NRG3: variants seen among roughly 807,000 people sequenced by gnomAD.
NRG3 encodes neuregulin 3.
NRG3 carries 31 observed loss-of-function variants against 66.9 expected under a neutral mutation model. The observed-to-expected ratio is 0.46, with a 90% confidence interval of 0.35 to 0.63. The LOEUF is 0.63. Ranked by LOEUF, NRG3 falls within the 20% of genes least tolerant of loss-of-function variation. The pLI, the probability that NRG3 is intolerant of heterozygous loss-of-function variation, is 0.00. For missense variants in NRG3, 910 were observed against 878.9 expected, an observed-to-expected ratio of 1.04 and a Z score of -0.45; for synonymous variants, 393 against 359.4, an observed-to-expected ratio of 1.09 and a Z score of -1.06.
intron 2 of NRG3, among the ~76,000 whole-genome samples, chr10:82,524,778 C>A (rs181524893): frequency 2.8e-3 from 427 of 151,646 alleles, no homozygotes; most frequent in Admixed American, 5.1e-3. Context: ...TTCCAGAGAT[C>A]TTCTCTGATC....
At chr10:82,812,455 T>C (rs2061529422) in intron 3 of NRG3, among the ~76,000 whole-genome samples, 1 of 152,208 alleles carries the variant, frequency 6.6e-6, no homozygotes, top group Admixed American at 6.5e-5. Context: ...CAAAATAAAA[T>C]GTTAAGCCTA....
chr10:82,389,236 C>T (rs1279835941), intron 2 of NRG3, among the ~76,000 whole-genome samples: 1 of 152,134 alleles, frequency 6.6e-6, no homozygotes, highest in East Asian at 1.9e-4. Context: ...ATTCAACTCG[C>T]AAATTTCTGC....
rs190277221 is a variant in NRG3, at chr10:82,921,099, C to A, written c.1055-30370C>A. On this transcript the variant is annotated intron_variant, in intron 4 of 8. Transcript: ENST00000372141. Reference sequence around the variant, plus strand: ...CATTACAATTGAGAAACCTGACAAGCACATGTCAAGTAAGGTGATCAAGGT... The same window carrying A: ...CATTACAATTGAGAAACCTGACAAGAACATGTCAAGTAAGGTGATCAAGGT... Among the ~76,000 whole-genome samples, 38 of 151,880 alleles carry A rather than the reference C, an allele frequency of 2.5e-4. No individual in the cohort carries two copies. The East Asian group carries it at 5.6e-3, about 22-fold the overall frequency.
chr10:82,234,629 T>C (rs1240494023), intron 1 of NRG3, among the ~76,000 whole-genome samples: 3 of 152,234 alleles, frequency 2.0e-5, no homozygotes, highest in Non-Finnish European at 4.4e-5. Context: ...CAATATTTTA[T>C]TCAAAATAGA....
At chr10:82,325,319 C>G (rs547961918) in intron 1 of NRG3, among the ~76,000 whole-genome samples, 1 of 151,906 alleles carries the variant, frequency 6.6e-6, no homozygotes, top group Non-Finnish European at 1.5e-5. Context: ...GTAGCTGAGA[C>G]TGCAGGCATG....
intron 1 of NRG3, among the ~76,000 whole-genome samples, chr10:82,199,560 C>T (rs1273070341): frequency 6.6e-6 from 1 of 152,134 alleles, no homozygotes; most frequent in Non-Finnish European, 1.5e-5. Context: ...CCCTTAAAGT[C>T]AATTTTCTTA....
chr10:82,679,344 A>G (rs1591139678), intron 2 of NRG3, among the ~76,000 whole-genome samples: 1 of 152,258 alleles, frequency 6.6e-6, no homozygotes, highest in South Asian at 2.1e-4. Context: ...TTTAAATTCC[A>G]TACAAAAAAC....
intron 7 of NRG3, 108 bp downstream of exon 7, chr10:82,974,023 C>T: frequency 7.8e-7 from 1 of 1,274,248 alleles, no homozygotes; most frequent in Non-Finnish European, 1.1e-6. Context: ...ACTGTTCTTG[C>T]TTCTCCTGTA....
chr10:82,844,693 T>C (rs1259332597), intron 3 of NRG3, among the ~76,000 whole-genome samples: 1 of 148,144 alleles, frequency 6.8e-6, no homozygotes, highest in Non-Finnish European at 1.5e-5. Flanking sequence ...TTTTTCCAAA[T>C]AAGAAGCTGT....
chr10:82,593,578 G>T (rs1387284087), intron 2 of NRG3, among the ~76,000 whole-genome samples: 2 of 151,336 alleles, frequency 1.3e-5, no homozygotes, highest in East Asian at 3.9e-4. Flanking sequence ...TTTCTGTTAA[G>T]ATGTTGAAAT....
chr10:82,202,849 CAT>C (rs1416742902), intron 1 of NRG3, among the ~76,000 whole-genome samples: 1 of 152,120 alleles, frequency 6.6e-6, no homozygotes, highest in African/African-American at 2.4e-5. Flanking sequence ...AGAAGAAAAA[CAT>C]GTGTCATAAA....
chr10:82,420,136 A>G (rs1479406091), intron 2 of NRG3, among the ~76,000 whole-genome samples: 2 of 152,144 alleles, frequency 1.3e-5, no homozygotes, highest in Non-Finnish European at 2.9e-5. Context: ...CAGTTGGCCT[A>G]TAGCTCAGTC....
intron 2 of NRG3, among the ~76,000 whole-genome samples, chr10:82,679,873 GA>G (rs2053987420): frequency 6.6e-6 from 1 of 151,732 alleles, no homozygotes; most frequent in South Asian, 2.1e-4. Flanking sequence ...AAAAAAAAAA[GA>G]AAAAAGTCTT....
intron 1 of NRG3, among the ~76,000 whole-genome samples, chr10:82,136,952 G>T (rs1000527011): frequency 2.0e-5 from 3 of 152,160 alleles, no homozygotes; most frequent in African/African-American, 7.2e-5. Context: ...GGTAACGTAG[G>T]CTTCAAGACT....
chr10:82,666,229 A>T (rs2133999746), intron 2 of NRG3, among the ~76,000 whole-genome samples: 1 of 152,012 alleles, frequency 6.6e-6, no homozygotes, highest in Admixed American at 6.6e-5. Flanking sequence ...TTCATAAATT[A>T]CTCTGTATTC....
Position 82,797,586 on chromosome 10 carries a change from T to C in NRG3, c.1027+58936T>C, listed in dbSNP as rs182166469. ...GCTTTCTTCTTTGTCATGTTCATTATATCAAATGTCCTTGTTTGCTCATGT... is the reference window on the plus strand; with the variant it reads ...GCTTTCTTCTTTGTCATGTTCATTACATCAAATGTCCTTGTTTGCTCATGT... On this transcript the variant is annotated intron_variant, in intron 3 of 8. Transcript: ENST00000372141. 1.8e-4 allele frequency among the ~76,000 whole-genome samples: 27 copies of C among 152,322 alleles called. No homozygotes were observed. The East Asian group carries it at 4.8e-3, about 27-fold the overall frequency.
chr10:81,925,044 C>T (rs565930328), intron 1 of NRG3, among the ~76,000 whole-genome samples: 42 of 152,322 alleles, frequency 2.8e-4, no homozygotes, highest in African/African-American at 8.9e-4. Flanking sequence ...TAGAGAAAGT[C>T]ATCATTTGAC....
chr10:82,043,905 A>G (rs537481201), intron 1 of NRG3, among the ~76,000 whole-genome samples: 98 of 152,184 alleles, frequency 6.4e-4, no homozygotes, highest in Middle Eastern at 3.4e-3. Context: ...CTAAATAAAT[A>G]CCAAAGCTCT....
At chr10:82,605,396 T>C (rs1192552484) in intron 2 of NRG3, among the ~76,000 whole-genome samples, 1 of 152,068 alleles carries the variant, frequency 6.6e-6, no homozygotes, top group Non-Finnish European at 1.5e-5. Context: ...GATTTTCAAA[T>C]GTTGAACTAG....
Sources: allele counts gnomAD v4.1 joint callset (sites outside exome capture counted in the v4.1 genomes callset), GRCh38; gene constraint gnomAD v4.1.1; transcripts MANE v1.5; gene names NCBI Gene and HGNC (gene_info 2026-07-23, HGNC 2026-07-21).